Variants in CTNNA2 observed in about 807,000 individuals in gnomAD.
CTNNA2 encodes catenin alpha 2, also known as catenin alpha-2.
In CTNNA2, 42 loss-of-function variants were observed where a neutral mutation model predicts 101.0. The ratio of observed to expected loss-of-function variants is 0.42; its 90% confidence interval spans 0.32 to 0.54. The LOEUF (loss-of-function observed/expected upper bound fraction) is 0.54, where lower values mean the gene tolerates loss of function less well. CTNNA2 is among the 20% of genes least tolerant of loss of function. The probability of loss-of-function intolerance (pLI) is 0.14; values close to 1 mark genes in which losing one functional copy is unlikely to be tolerated. For synonymous variants in CTNNA2, 450 were observed against 456.4 expected, an observed-to-expected ratio of 0.99 and a Z score of 0.18; for missense variants, 871 against 1,223.1, an observed-to-expected ratio of 0.71 and a Z score of 4.29.
chr2:80,584,062 G>T (rs1695763984), intron 14 of CTNNA2, among the ~76,000 whole-genome samples: 1 of 152,062 alleles, frequency 6.6e-6, no homozygotes, highest in Non-Finnish European at 1.5e-5. Context: ...TGGAATTATG[G>T]CTGTTAAGTT....
intron 7 of CTNNA2, among the ~76,000 whole-genome samples, chr2:80,035,008 A>G (rs540253683): frequency 4.5e-4 from 69 of 152,342 alleles, no homozygotes; most frequent in Middle Eastern, 3.4e-3. Flanking sequence ...AAAAATAGCA[A>G]AAGGTTAGGG....
At chr2:79,206,863 G>T (rs1481898469) in intron 2 of CTNNA2, among the ~76,000 whole-genome samples, 1 of 152,120 alleles carries the variant, frequency 6.6e-6, no homozygotes, top group Non-Finnish European at 1.5e-5. Flanking sequence ...ATAGATCCCT[G>T]ATCAAACTAC....
intron 9 of CTNNA2, among the ~76,000 whole-genome samples, chr2:80,539,926 A>T (rs1313077016): frequency 6.6e-6 from 1 of 152,210 alleles, no homozygotes; most frequent in Non-Finnish European, 1.5e-5. Context: ...GCTTCAGTTA[A>T]GTTGTAAATA....
intron 1 of CTNNA2, among the ~76,000 whole-genome samples, chr2:79,606,848 C>CA (rs1677927969): frequency 6.6e-6 from 1 of 151,946 alleles, no homozygotes; most frequent in Non-Finnish European, 1.5e-5. Flanking sequence ...GTATTTAATT[C>CA]AAAAGAAGGC....
intron 1 of CTNNA2, among the ~76,000 whole-genome samples, chr2:79,549,345 T>C (rs1484786478): frequency 6.6e-6 from 1 of 152,220 alleles, no homozygotes; most frequent in Non-Finnish European, 1.5e-5. Flanking sequence ...TGGAATGAGC[T>C]TAATGCAAAG....
Position 79,902,479 on chromosome 2 carries a change from C to A in CTNNA2, c.853-7115C>A, listed in dbSNP as rs528628434. ...AGGCGATAGATTTTGCATATTAATA[C>A]AGGTGCCCATACCACTACCCGATGT... On this transcript the variant is annotated intron_variant, in intron 6 of 18. Coordinates refer to ENST00000402739, the MANE Select transcript of CTNNA2 (RefSeq NM_001282597.3). Among the ~76,000 whole-genome samples the A allele has an allele frequency of 2.0e-5, 3 of 152,280 alleles. No individual in the cohort carries two copies. In the South Asian group the frequency reaches 6.2e-4, roughly 32 times the overall value.
chr2:80,029,980 A>G (rs1695185556), intron 7 of CTNNA2, among the ~76,000 whole-genome samples: 1 of 152,132 alleles, frequency 6.6e-6, no homozygotes, highest in Non-Finnish European at 1.5e-5. Flanking sequence ...GGCATAAAAA[A>G]GGAAGCAATT....
At chr2:80,224,182 C>T (rs1708736658) in intron 7 of CTNNA2, among the ~76,000 whole-genome samples, 1 of 152,194 alleles carries the variant, frequency 6.6e-6, no homozygotes, top group Admixed American at 6.5e-5. Context: ...AGGACACTCT[C>T]AACTGCCAGC....
chr2:79,277,670 A>G (rs1675248630), intron 2 of CTNNA2, among the ~76,000 whole-genome samples: 1 of 152,102 alleles, frequency 6.6e-6, no homozygotes, highest in Admixed American at 6.5e-5. Flanking sequence ...TGCTCAATTC[A>G]TGTTAGCTAG....
At chr2:80,601,413 C>CTTTGTTTT (rs1697501313) in intron 15 of CTNNA2, among the ~76,000 whole-genome samples, 1 of 61,856 alleles carries the variant, frequency 1.6e-5, no homozygotes, top group Admixed American at 1.7e-4. Context: ...TTTTTTCTTT[C>CTTTGTTTT]TTTCTTTCTT....
At chr2:79,424,207 C>T (rs1175994372) in intron 4 of CTNNA2, among the ~76,000 whole-genome samples, 7 of 152,018 alleles carry the variant, frequency 4.6e-5, no homozygotes, top group African/African-American at 1.2e-4. Flanking sequence ...TGTCATTTGC[C>T]GTAACCTCAT....
chr2:79,783,743 CACAT>C lies in CTNNA2; in HGVS notation c.298+39166_298+39169del, dbSNP rs1573959932. Among the ~76,000 whole-genome samples the C allele has an allele frequency of 2.0e-5, 3 of 152,264 alleles. No individual in the cohort carries two copies. The East Asian group carries it at 5.8e-4, about 29-fold the overall frequency. On this transcript the variant is annotated intron_variant, in intron 3 of 18. Transcript: ENST00000402739. ...AACATGTATCTTCTCAAAATGCACA[CACAT>C]ACATGCTTATCTCAGTACAGTTAAT...
chr2:79,846,214 A>G (rs976743225), intron 3 of CTNNA2, among the ~76,000 whole-genome samples: 4 of 152,120 alleles, frequency 2.6e-5, no homozygotes, highest in African/African-American at 9.7e-5. Flanking sequence ...AGAATTTTCT[A>G]TCTTTAATCA....
chr2:79,986,843 A>C (rs745581032), intron 7 of CTNNA2, among the ~76,000 whole-genome samples: 1 of 152,180 alleles, frequency 6.6e-6, no homozygotes, highest in Non-Finnish European at 1.5e-5. Context: ...TTCTCAAAGA[A>C]GCTACTTCCA....
At chr2:80,523,991 T>C (rs527266347) in intron 9 of CTNNA2, among the ~76,000 whole-genome samples, 1 of 152,282 alleles carries the variant, frequency 6.6e-6, no homozygotes, top group East Asian at 1.9e-4. Flanking sequence ...AGCAAAAGCA[T>C]AGCATAAGAC....
At chr2:80,441,530 C>T (rs1339538895) in intron 9 of CTNNA2, among the ~76,000 whole-genome samples, 1 of 152,142 alleles carries the variant, frequency 6.6e-6, no homozygotes, top group East Asian at 1.9e-4. Flanking sequence ...TATATAAAAG[C>T]AGCCTTATCT....
intron 7 of CTNNA2, among the ~76,000 whole-genome samples, chr2:80,084,465 C>G (rs1407008710): frequency 1.3e-5 from 2 of 152,060 alleles, no homozygotes; most frequent in African/African-American, 4.8e-5. Flanking sequence ...TTTAGGATGT[C>G]CAACCCATTG....
intron 2 of CTNNA2, among the ~76,000 whole-genome samples, chr2:79,279,804 T>C (rs905034960): frequency 1.3e-5 from 2 of 152,028 alleles, no homozygotes; most frequent in African/African-American, 4.8e-5. Flanking sequence ...AAGAACAAAA[T>C]AGAACCTTTC....
intron 2 of CTNNA2, among the ~76,000 whole-genome samples, chr2:79,255,361 A>G (rs1419752115): frequency 6.6e-6 from 1 of 152,186 alleles, no homozygotes; most frequent in African/African-American, 2.4e-5. Context: ...TCAGATTCCA[A>G]TTCAGAGCTC....
Sources: allele counts gnomAD v4.1 joint callset (sites outside exome capture counted in the v4.1 genomes callset), GRCh38; gene constraint gnomAD v4.1.1; transcripts MANE v1.5; gene names NCBI Gene and HGNC (gene_info 2026-07-23, HGNC 2026-07-21).